The following GPR137B variants were observed in gnomAD, a reference collection of about 807,000 sequenced individuals.
GPR137B encodes the protein G protein-coupled receptor 137B, also known as integral membrane protein GPR137B.
Under a neutral mutation model 42.5 loss-of-function variants are expected in GPR137B, and 42 were observed. The ratio of observed to expected loss-of-function variants is 0.99; its 90% CI spans 0.77 to 1.28. GPR137B has a LOEUF of 1.28. Ranked by LOEUF, GPR137B falls within the 50% of genes most tolerant of loss-of-function variation. The pLI is 0.00. For synonymous variants in GPR137B, 218 were observed against 209.7 expected, an observed-to-expected ratio of 1.04 and a Z score of -0.34; for missense variants, 487 against 493.9, an observed-to-expected ratio of 0.99 and a Z score of 0.13.
At chr1:236,182,831 A>G (rs1467366810) in intron 4 of GPR137B, among the ~76,000 whole-genome samples, 2 of 152,202 alleles carry the variant, frequency 1.3e-5, no homozygotes, top group Non-Finnish European at 2.9e-5. Context: ...TGGGATATTT[A>G]TGGTTATCTA....
intron 1 of GPR137B, among the ~76,000 whole-genome samples, chr1:236,144,615 C>G (rs1337647101): frequency 6.6e-6 from 1 of 152,230 alleles, no homozygotes; most frequent in East Asian, 1.9e-4. Flanking sequence ...ATTTTCCGGT[C>G]GGAGAGTAAT....
chr1:236,165,094 AG>A (rs1249922614), intron 1 of GPR137B, among the ~76,000 whole-genome samples: 2 of 152,202 alleles, frequency 1.3e-5, no homozygotes, highest in African/African-American at 4.8e-5. Flanking sequence ...TAGAGGAGAC[AG>A]GGTTTCACCA....
chr1:236,206,689 A>G (rs980269826), intron 6 of GPR137B, among the ~76,000 whole-genome samples: 1 of 152,236 alleles, frequency 6.6e-6, no homozygotes, highest in East Asian at 1.9e-4. Context: ...TGCTTACCTC[A>G]GCATGGGCAT....
intron 3 of GPR137B, among the ~76,000 whole-genome samples, chr1:236,179,086 C>T (rs995325771): frequency 1.1e-4 from 17 of 151,126 alleles, no homozygotes; most frequent in East Asian, 7.8e-4. Flanking sequence ...TGTGAGCCAC[C>T]GCGCCCGCAC....
At position 236,156,512 on chromosome 1, in the gene GPR137B, C is replaced by T. The variant is rs531962942; in HGVS notation, c.415-12194C>T. Among the ~76,000 whole-genome samples the T allele has an allele frequency of 2.0e-5, 3 of 152,208 alleles. No individual in the cohort carries two copies. The highest frequency in any genetic ancestry group is 6.5e-5 in the Admixed American group (1 of 15,280). ...CCCTGGACCTATAGCCCACAGCTGA[C>T]GTTTGGAAGAAAAGAACATCCTAAC... On this transcript the variant is annotated intron_variant, in intron 1 of 6. Transcript: ENST00000366592. This position sits in a 1 kb window ranked among gnomAD's most constrained non-coding sequence, Gnocchi z 4.8.
At chr1:236,175,676 C>A (rs1342876116) in intron 2 of GPR137B, among the ~76,000 whole-genome samples, 1 of 152,170 alleles carries the variant, frequency 6.6e-6, no homozygotes, top group Admixed American at 6.6e-5. Context: ...ATTCCCCCAT[C>A]ACTGAGAGAA....
rs558796287 is a variant in GPR137B at position 236,170,118 on chromosome 1, C to T, written c.464+1363C>T. ...GAGGAGAACAGGCCTCTGGAAGAGG[C>T]GCGGGGGTGCAGTGTGAGTCCAGGG... On this transcript the variant is annotated intron_variant, in intron 2 of 6. Transcript: ENST00000366592. Among the ~76,000 whole-genome samples the T allele has an allele frequency of 6.8e-4, 102 of 148,968 alleles. No individual in the cohort carries two copies. In the South Asian group the frequency reaches 0.011, roughly 16 times the overall value.
At position 236,197,790 on chromosome 1, in the gene GPR137B, G is replaced by A. The variant is rs186169620; in HGVS notation, c.967-7336G>A. ...GGTTGGAGCACAGTGGCACAATCCCGGCTCATTGGAACCTCCGCCTCCCAG... is the reference window on the plus strand; with the variant it reads ...GGTTGGAGCACAGTGGCACAATCCCAGCTCATTGGAACCTCCGCCTCCCAG... On this transcript the variant is annotated intron_variant, in intron 5 of 6. Coordinates refer to ENST00000366592, the MANE Select transcript of GPR137B (RefSeq NM_003272.4). 2.7e-3 allele frequency among the ~76,000 whole-genome samples: 405 copies of A among 152,240 alleles called. 1 individual carries two copies. The highest frequency in any genetic ancestry group is 4.8e-3 in the Admixed American group (73 of 15,286).
chr1:236,157,302 G>A (rs898873630), intron 1 of GPR137B, among the ~76,000 whole-genome samples: 4 of 150,790 alleles, frequency 2.7e-5, no homozygotes, highest in East Asian at 1.9e-4. Context: ...TCTGCTCACT[G>A]CAAGCTCCGC....
rs1400366632 is a variant in GPR137B, at chr1:236,155,592, G to A, written c.414+12556G>A. ...GCCTGCTGGGCTGACTTATCAATGT[G>A]GGGGCTCAGGGCCACCCTGAGTTCT... On this transcript the variant is annotated intron_variant, in intron 1 of 6. Transcript: ENST00000366592. The surrounding 1 kb of genome is among the most constrained non-coding windows in gnomAD (Gnocchi z 4.6). Among the ~76,000 whole-genome samples the A allele has an allele frequency of 5.3e-5, 8 of 152,090 alleles. No homozygotes were observed. Among genetic ancestry groups the A allele is most frequent in the Admixed American group, 5.2e-4 (8 of 15,276 alleles).
Position 236,208,859 on chromosome 1 carries a change from T to C in GPR137B, c.*701T>C. 1.0e-6 allele frequency: 1 copy of C among 983,982 alleles called. No individual in the cohort carries two copies. The highest frequency in any genetic ancestry group is 1.2e-6 in the Non-Finnish European group (1 of 828,648). The allele number at this position is 983,982 out of a possible 1,614,324, so 61.0% of individuals were successfully genotyped here. A position where few individuals can be genotyped will look rare whatever the true frequency, so the allele number is the denominator to read the frequency against. The stretch of plus-strand genomic sequence containing the variant: ...CACATTAATGATAAGTTGATAACAT[T>C]AAAAATGTAGCTGACTTATCCTATT... On this transcript the variant is annotated 3_prime_UTR_variant, in exon 7 of 7. Transcript: ENST00000366592.
At position 236,171,308 on chromosome 1, in the gene GPR137B, TTC is replaced by T. The variant is rs1179514157; in HGVS notation, c.464+2554_464+2555del. 6.6e-6 allele frequency among the ~76,000 whole-genome samples: 1 copy of T among 152,164 alleles called. No individual in the cohort carries two copies. ...ACCTGTATAAAGTACAAGTAGACAG[TTC>T]CCTCTCTTCTCCAGTAACAAGATAG... On this transcript the variant is annotated intron_variant, in intron 2 of 6. Coordinates refer to ENST00000366592, the MANE Select transcript of GPR137B (RefSeq NM_003272.4). This position sits in a 1 kb window ranked among gnomAD's most constrained non-coding sequence, Gnocchi z 4.4.
At chr1:236,170,960 A>G (rs1662516454) in intron 2 of GPR137B, among the ~76,000 whole-genome samples, 1 of 149,256 alleles carries the variant, frequency 6.7e-6, no homozygotes, top group Non-Finnish European at 1.5e-5. Flanking sequence ...TGGGCAACAC[A>G]GCGACTCTGT....
intron 5 of GPR137B, among the ~76,000 whole-genome samples, chr1:236,185,065 C>T (rs1183252416): frequency 1.3e-5 from 2 of 152,210 alleles, no homozygotes; most frequent in African/African-American, 4.8e-5. Flanking sequence ...CCGCACCCGT[C>T]TGAGTTCATG....
intron 5 of GPR137B, among the ~76,000 whole-genome samples, chr1:236,194,152 C>G (rs1370518377): frequency 6.6e-6 from 1 of 152,128 alleles, no homozygotes; most frequent in Non-Finnish European, 1.5e-5. Flanking sequence ...TCATAGGGGT[C>G]AACAACTGAT....
rs888107192 is a variant in GPR137B, at chr1:236,166,493, C to A, written c.415-2213C>A. Among the ~76,000 whole-genome samples, 305 of 136,866 alleles carry A rather than the reference C, an allele frequency of 2.2e-3. 3 individuals carry two copies. Among genetic ancestry groups the A allele is most frequent in the African/African-American group, 7.7e-3 (259 of 33,420 alleles). The allele number at this position is 136,866 out of a possible 152,430, so 89.8% of individuals were successfully genotyped here. A position where few individuals can be genotyped will look rare whatever the true frequency, so the allele number is the denominator to read the frequency against. Reference sequence around the variant, plus strand: ...TATACATTATATATATTTATATATACATATATATATTTATATATATACATT... The same window carrying A: ...TATACATTATATATATTTATATATAAATATATATATTTATATATATACATT... On this transcript the variant is annotated intron_variant, in intron 1 of 6. Transcript: ENST00000366592.
At chr1:236,205,597 G>A (rs1428113566) in intron 6 of GPR137B, among the ~76,000 whole-genome samples, 2 of 152,218 alleles carry the variant, frequency 1.3e-5, no homozygotes, top group Non-Finnish European at 2.9e-5. Flanking sequence ...GGAGTGCAGA[G>A]TGGTGCAATC....
Position 236,142,545 on chromosome 1 carries a change from T to C in GPR137B, c.-78T>C. On this transcript the variant is annotated 5_prime_UTR_variant, in exon 1 of 7. Coordinates refer to ENST00000366592, the MANE Select transcript of GPR137B (RefSeq NM_003272.4). ...GGGGGAGGAAGTGCGGCTTGTTTTC[T>C]TTCCTCCAGTCTCGGGGCTGCAGGC... 1 of 753,538 alleles carries C rather than the reference T, an allele frequency of 1.3e-6. No homozygotes were observed. 46.7% of individuals were successfully genotyped at this position (753,538 alleles called of 1,614,324 possible).
intron 1 of GPR137B, among the ~76,000 whole-genome samples, chr1:236,145,767 C>A (rs947456672): frequency 6.6e-6 from 1 of 152,196 alleles, no homozygotes; most frequent in Non-Finnish European, 1.5e-5. Context: ...GCTGAGAGGT[C>A]GTAGATGACT....
Sources: gnomAD v4.1 joint callset for allele counts (sites outside exome capture counted in the v4.1 genomes callset) on GRCh38, gnomAD v4.1.1 for gene constraint, Gnocchi (gnomAD v3.1) non-coding constraint, MANE v1.5 for transcripts, NCBI Gene and HGNC (gene_info 2026-07-23, HGNC 2026-07-21) for gene names.